The following TNRC6B variants were observed in gnomAD, a reference collection of about 807,000 sequenced individuals.
TNRC6B encodes trinucleotide repeat-containing gene 6B protein.
Under a neutral mutation model 203.6 loss-of-function variants are expected in TNRC6B, and 52 were observed. That is an observed-to-expected ratio of 0.26 (90% CI 0.20 to 0.32). The LOEUF (loss-of-function observed/expected upper bound fraction) is 0.32, where lower values mean the gene tolerates loss of function less well. Among genes scored for constraint, TNRC6B ranks in the 10% least tolerant of loss-of-function variants. The pLI, the probability that TNRC6B is intolerant of heterozygous loss-of-function variation, is 1.00. For missense variants in TNRC6B, 1,923 were observed against 2,286.2 expected, an observed-to-expected ratio of 0.84 and a Z score of 3.24; for synonymous variants, 838 against 845.7, an observed-to-expected ratio of 0.99 and a Z score of 0.16.
intron 15 of TNRC6B, among the ~76,000 whole-genome samples, chr22:40,303,277 T>C (rs564487232): frequency 2.9e-3 from 441 of 152,066 alleles, no homozygotes; most frequent in African/African-American, 0.01. Flanking sequence ...CTGCCCACCG[T>C]GGCCTCCCAA....
chr22:40,057,819 G>C (rs889867362), intron 1 of TNRC6B, among the ~76,000 whole-genome samples: 5 of 152,110 alleles, frequency 3.3e-5, no homozygotes, highest in Non-Finnish European at 7.4e-5. Flanking sequence ...TCTTTCTCCT[G>C]TGAAAATCCT....
intron 2 of TNRC6B, among the ~76,000 whole-genome samples, chr22:40,247,189 A>G (rs1048814618): frequency 6.6e-6 from 1 of 151,912 alleles, no homozygotes. Flanking sequence ...AGGTAAGGTG[A>G]TTTTCTGTCA....
chr22:40,199,084 G>A (rs1286541996), intron 1 of TNRC6B, among the ~76,000 whole-genome samples: 1 of 152,084 alleles, frequency 6.6e-6, no homozygotes, highest in East Asian at 1.9e-4. Flanking sequence ...AGGACCCAGA[G>A]TCAGTTTGAA....
In TNRC6B at chr22:40,128,259, G is replaced by T. The variant is rs1377856187; in HGVS notation, c.45+2397G>T. 4.6e-5 allele frequency among the ~76,000 whole-genome samples: 7 copies of T among 151,978 alleles called. No individual in the cohort carries two copies. In the East Asian group the frequency reaches 5.8e-4, roughly 13 times the overall value. ...TTTGGAGGCTGATCTCATCTCGCAG[G>T]GGTCAGTCCATTCTCCTCCTCCGAG... On this transcript the variant is annotated intron_variant, in intron 3 of 23. Coordinates refer to the TNRC6B transcript ENST00000301923.
At chr22:40,093,487 G>T (rs1327868406) in intron 1 of TNRC6B, among the ~76,000 whole-genome samples, 1 of 152,112 alleles carries the variant, frequency 6.6e-6, no homozygotes, top group Non-Finnish European at 1.5e-5. Context: ...ATATCACCTG[G>T]ATACATTGGC....
chr22:40,100,993 T>A (rs1280755531), intron 1 of TNRC6B, among the ~76,000 whole-genome samples: 1 of 38,112 alleles, frequency 2.6e-5, no homozygotes, highest in Admixed American at 1.6e-4. Flanking sequence ...CTCTTCAGCA[T>A]TTTTTTTTTT....
At chr22:40,263,681 A>G (rs2070422543) in intron 4 of TNRC6B, among the ~76,000 whole-genome samples, 1 of 152,220 alleles carries the variant, frequency 6.6e-6, no homozygotes, top group African/African-American at 2.4e-5. Flanking sequence ...TGTTTTTCCC[A>G]CCAAATATGG....
intron 1 of TNRC6B, among the ~76,000 whole-genome samples, chr22:40,048,536 G>A (rs1406302607): frequency 6.0e-5 from 8 of 134,250 alleles, no homozygotes; most frequent in African/African-American, 2.4e-4. Flanking sequence ...GCGAGGCTCC[G>A]TCTCAAAAAA....
chr22:40,156,320 T>A (rs2068818556), intron 4 of TNRC6B: 1 of 754,772 alleles, frequency 1.3e-6, no homozygotes, highest in Non-Finnish European at 2.2e-6. Context: ...TGGTGGCTGT[T>A]AATGCATTGC....
intron 11 of TNRC6B, among the ~76,000 whole-genome samples, chr22:40,284,476 G>T (rs1337903398): frequency 6.6e-6 from 1 of 152,178 alleles, no homozygotes; most frequent in African/African-American, 2.4e-5. Flanking sequence ...AAGCAGTGAT[G>T]CAGCTGTCTT....
rs2043986851 is a variant in TNRC6B, at chr22:40,331,914, G to C, written c.*8673G>C. 6.5e-6 allele frequency: 2 copies of C among 306,548 alleles called. No individual in the cohort carries two copies. The highest frequency in any genetic ancestry group is 1.2e-5 in the Non-Finnish European group (2 of 166,616). The allele number at this position is 306,548 out of a possible 1,614,324, so 19.0% of individuals were successfully genotyped here. ...GAGACCTCTGAGTCCTCTTGCCACT[G>C]TTGCTGGCAGGTCTGATGGCCAGGT... On this transcript the variant is annotated 3_prime_UTR_variant, in exon 23 of 23. Transcript: ENST00000454349.
rs945086160 is a variant in TNRC6B, at chr22:40,300,764, A to G, written c.3841-146A>G. ...GTCAGCTCAACTGGAGGAAAATGTA[A>G]CCAAGAGACCGGGAATTTGGTGTTA... On this transcript the variant is annotated intron_variant, in intron 13 of 22. Transcript: ENST00000454349. 3.3e-6 allele frequency: 4 copies of G among 1,220,230 alleles called. No individual in the cohort carries two copies. The Admixed American group carries it at 1.0e-4, about 31-fold the overall frequency. 75.6% of individuals were successfully genotyped at this position (1,220,230 alleles called of 1,614,324 possible).
chr22:40,221,984 C>A (rs1417560785), intron 1 of TNRC6B, among the ~76,000 whole-genome samples: 2 of 152,062 alleles, frequency 1.3e-5, no homozygotes, highest in Non-Finnish European at 2.9e-5. Context: ...TCATTTTTTA[C>A]TTTAAAATGT....
intron 1 of TNRC6B, among the ~76,000 whole-genome samples, chr22:40,071,064 C>T (rs564331629): frequency 6.6e-6 from 1 of 152,268 alleles, no homozygotes; most frequent in South Asian, 2.1e-4. Context: ...AGACTATTTA[C>T]TTTCTTAGCT....
At chr22:40,308,795 G>T (rs2071130705) in intron 16 of TNRC6B, 146 bp downstream of exon 16, 6 of 987,956 alleles carry the variant, frequency 6.1e-6, no homozygotes, top group Non-Finnish European at 8.7e-6. Flanking sequence ...AGAGTCATGT[G>T]TATGTTGAAT....
At chr22:40,257,985 G>T (rs545779071) in intron 3 of TNRC6B, among the ~76,000 whole-genome samples, 4 of 148,956 alleles carry the variant, frequency 2.7e-5, no homozygotes, top group Non-Finnish European at 5.9e-5. Flanking sequence ...CTCCACTCTA[G>T]CCTGGGCAAC....
At chr22:40,075,366 C>G (rs1207818281) in intron 1 of TNRC6B, among the ~76,000 whole-genome samples, 2 of 150,986 alleles carry the variant, frequency 1.3e-5, no homozygotes, top group African/African-American at 4.9e-5. Flanking sequence ...TGAATTTAGC[C>G]CTTTGTAATT....
intron 22 of TNRC6B, chr22:40,321,546 G>T: frequency 4.2e-6 from 1 of 239,488 alleles, no homozygotes; most frequent in Non-Finnish European, 8.4e-6. Context: ...CCAGCACTTT[G>T]GGAGGCCAAG....
chr22:40,214,128 G>A (rs1338943928), intron 1 of TNRC6B, among the ~76,000 whole-genome samples: 4 of 152,046 alleles, frequency 2.6e-5, no homozygotes, highest in Admixed American at 6.5e-5. Flanking sequence ...CTAGCCGGGC[G>A]TGGTGGTGCG....
Sources: allele counts gnomAD v4.1 joint callset (sites outside exome capture counted in the v4.1 genomes callset), GRCh38; gene constraint gnomAD v4.1.1; transcripts MANE v1.5; gene names NCBI Gene and HGNC (gene_info 2026-07-23, HGNC 2026-07-21).